EYS: variants seen among roughly 807,000 people sequenced by gnomAD.
The protein encoded by EYS is EGF-like photoreceptor maintenance factor, also known as protein eyes shut homolog.
A neutral mutation model predicts 282.1 loss-of-function variants in EYS; 250 were observed. That is an observed-to-expected ratio of 0.89 (90% CI 0.80 to 0.98). EYS has a LOEUF of 0.98. Among genes scored for constraint, EYS ranks in the 50% least tolerant of loss-of-function variants. The pLI, the probability that EYS is intolerant of heterozygous loss-of-function variation, is 0.00. For synonymous variants in EYS, 1,355 were observed against 1,282.9 expected (o/e 1.06, Z -1.20); for missense variants, 4,016 against 3,709.0 (o/e 1.08, Z -2.15).
At position 65,494,814 on chromosome 6, in the gene EYS, G is replaced by A. The variant is rs759277468; in HGVS notation, c.597C>T (p.Ser199=). Reference sequence around the variant, plus strand: ...CAGAAAATGGAGGCTGGCAATGGCAGCTATATGTCTTGCTCCAAGCTTCAC... The same window carrying A: ...CAGAAAATGGAGGCTGGCAATGGCAACTATATGTCTTGCTCCAAGCTTCAC... ...CLSEAWSKTY[S]CHCQPPFSGK... is the part of the protein sequence containing the mutation. The change falls in exon 4 of 43, where the codon AGC becomes AGT. Residue 199 remains serine, a synonymous_variant. Transcript: ENST00000503581. 17 of 1,613,944 alleles carry A rather than the reference G, an allele frequency of 1.1e-5. No homozygotes were observed. Among genetic ancestry groups the A allele is most frequent in the African/African-American group, 2.7e-5 (2 of 74,914 alleles).
chr6:65,492,959 C>T (rs1766102233), intron 4 of EYS, among the ~76,000 whole-genome samples: 1 of 152,104 alleles, frequency 6.6e-6, no homozygotes, highest in African/African-American at 2.4e-5. Context: ...CTTCATCGCC[C>T]AGGCTGGAGT....
In EYS at chr6:64,469,840, C is replaced by T. The variant is rs902122793; in HGVS notation, c.5645-30488G>A. On this transcript the variant is annotated intron_variant, in intron 26 of 42. Coordinates refer to ENST00000503581, the MANE Select transcript of EYS (RefSeq NM_001142800.2). ...CTGTGATGCTGTGCTTCAGTGGTCA[C>T]GCTCCTAGTCCGCCTTCACGTTCCA... Among the ~76,000 whole-genome samples the T allele has an allele frequency of 4.6e-5, 7 of 152,132 alleles. No individual in the cohort carries two copies. In the East Asian group the frequency reaches 7.7e-4, roughly 17 times the overall value.
At chr6:63,992,441 A>C (rs1767645746) in intron 34 of EYS, among the ~76,000 whole-genome samples, 2 of 151,846 alleles carry the variant, frequency 1.3e-5, no homozygotes, top group African/African-American at 4.8e-5. Context: ...TATAATTATA[A>C]AATATGTTAA....
At chr6:65,180,627 C>G (rs1765353048) in intron 12 of EYS, among the ~76,000 whole-genome samples, 1 of 152,136 alleles carries the variant, frequency 6.6e-6, no homozygotes, top group Admixed American at 6.6e-5. Flanking sequence ...AATGGCCATA[C>G]TGACCAAGGT....
intron 22 of EYS, among the ~76,000 whole-genome samples, chr6:64,650,663 G>T (rs1768524711): frequency 6.6e-6 from 1 of 152,072 alleles, no homozygotes; most frequent in Admixed American, 6.6e-5. Context: ...TAAAAATTTT[G>T]ACTCCTACAG....
intron 2 of EYS, among the ~76,000 whole-genome samples, chr6:65,515,770 A>G (rs1767106126): frequency 8.1e-6 from 1 of 123,238 alleles, no homozygotes; most frequent in Non-Finnish European, 1.6e-5. Flanking sequence ...GAAGGGGAAC[A>G]TCACACTCTG....
intron 2 of EYS, among the ~76,000 whole-genome samples, chr6:65,541,626 G>C (rs559650044): frequency 6.6e-5 from 10 of 151,610 alleles, no homozygotes; most frequent in Admixed American, 5.9e-4. Context: ...GCCTTTCCAA[G>C]ATTTAATCAC....
At chr6:65,024,915 C>A (rs1016290050) in intron 13 of EYS, among the ~76,000 whole-genome samples, 2 of 152,118 alleles carry the variant, frequency 1.3e-5, no homozygotes, top group Non-Finnish European at 1.5e-5. Flanking sequence ...TGGCATAAAT[C>A]CACAACTAGG....
chr6:65,384,633 C>G, intron 7 of EYS, 133 bp from the exon 8 acceptor site: 1 of 594,280 alleles, frequency 1.7e-6, no homozygotes, highest in Non-Finnish European at 3.0e-6. Flanking sequence ...TAATACATAC[C>G]TGTGATCTTA....
In EYS at chr6:64,137,510, C is replaced by G. The variant is rs1191455296; in HGVS notation, c.6425-55508G>C. Among the ~76,000 whole-genome samples, 3 of 152,088 alleles carry G rather than the reference C, an allele frequency of 2.0e-5. No individual in the cohort carries two copies. The East Asian group carries it at 5.8e-4, about 29-fold the overall frequency. ...TTGATTTAAAGTGAGAGATGTGTGA[C>G]TCTTCCTTTTACTTGAACACTTAGA... On this transcript the variant is annotated intron_variant, in intron 31 of 42. Coordinates refer to ENST00000503581, the MANE Select transcript of EYS (RefSeq NM_001142800.2).
chr6:64,924,370 T>C (rs1336011890), intron 15 of EYS, among the ~76,000 whole-genome samples: 1 of 152,166 alleles, frequency 6.6e-6, no homozygotes, highest in Non-Finnish European at 1.5e-5. Context: ...AAACCATTTT[T>C]TGCTCCTGGG....
intron 22 of EYS, among the ~76,000 whole-genome samples, chr6:64,784,639 T>G (rs554428126): frequency 2.0e-4 from 30 of 152,302 alleles, no homozygotes; most frequent in Admixed American, 4.6e-4. Flanking sequence ...TCAGCTGTCT[T>G]AGATCAGTTT....
At chr6:64,453,413 T>G (rs1775435234) in intron 26 of EYS, among the ~76,000 whole-genome samples, 1 of 152,212 alleles carries the variant, frequency 6.6e-6, no homozygotes, top group African/African-American at 2.4e-5. Context: ...TTGGTGGGAC[T>G]GTAAACTAGT....
intron 33 of EYS, among the ~76,000 whole-genome samples, chr6:64,011,575 TAAGTA>T (rs1462884472): frequency 6.6e-6 from 1 of 151,270 alleles, no homozygotes; most frequent in African/African-American, 2.5e-5. Context: ...CAAAAGCACA[TAAGTA>T]AAGTAGTTTG....
At chr6:64,420,424 C>A (rs1281303098) in intron 28 of EYS, among the ~76,000 whole-genome samples, 1 of 152,100 alleles carries the variant, frequency 6.6e-6, no homozygotes, top group African/African-American at 2.4e-5. Flanking sequence ...TAACATTCAG[C>A]TCCTTGTTAC....
intron 35 of EYS, among the ~76,000 whole-genome samples, chr6:63,871,154 C>T (rs1295881779): frequency 2.6e-5 from 4 of 152,108 alleles, no homozygotes; most frequent in Admixed American, 6.5e-5. Context: ...TAATTTAATC[C>T]TATCAATATA....
At position 64,828,973 on chromosome 6, in the gene EYS, C is replaced by T. The variant is rs556628770; in HGVS notation, c.2993-6151G>A. On this transcript the variant is annotated intron_variant, in intron 19 of 42. Coordinates refer to ENST00000503581, the MANE Select transcript of EYS (RefSeq NM_001142800.2). Reference sequence around the variant, plus strand: ...AAGAAGGTAAAGCAAAAGGGACATCCTTCGGATGGGCAGATCTTCAGTCCC... The same window carrying T: ...AAGAAGGTAAAGCAAAAGGGACATCTTTCGGATGGGCAGATCTTCAGTCCC... Among the ~76,000 whole-genome samples the T allele has an allele frequency of 7.9e-5, 12 of 152,084 alleles. No homozygotes were observed. In the South Asian group the frequency reaches 2.5e-3, roughly 32 times the overall value.
At chr6:64,438,309 C>G (rs1774818234) in intron 27 of EYS, among the ~76,000 whole-genome samples, 1 of 151,542 alleles carries the variant, frequency 6.6e-6, no homozygotes. Flanking sequence ...ATTTACATTG[C>G]TAAAAATTAC....
intron 12 of EYS, among the ~76,000 whole-genome samples, chr6:65,181,511 T>C (rs373599775): frequency 2.0e-5 from 3 of 151,898 alleles, no homozygotes; most frequent in African/African-American, 7.3e-5. Context: ...TAATGAGATA[T>C]CATCTCACAC....
Sources: allele counts gnomAD v4.1 joint callset (sites outside exome capture counted in the v4.1 genomes callset), GRCh38; gene constraint gnomAD v4.1.1; transcripts MANE v1.5; gene names NCBI Gene and HGNC (gene_info 2026-07-23, HGNC 2026-07-21).